BMP5: variants seen among roughly 807,000 people sequenced by gnomAD.
BMP5 encodes bone morphogenetic protein 5.
In BMP5, 23 loss-of-function variants were observed where a neutral mutation model predicts 46.6. That is an observed-to-expected ratio of 0.49 (90% CI 0.35 to 0.70). The LOEUF is 0.70. BMP5 is among the 30% of genes least tolerant of loss of function. BMP5 has a pLI of 0.00. For synonymous variants in BMP5, 204 were observed against 191.9 expected (o/e 1.06, Z -0.52); for missense variants, 545 against 565.6 (o/e 0.96, Z 0.37).
chr6:55,865,327 C>A, intron 1 of BMP5: 2 of 430,284 alleles, frequency 4.6e-6, no homozygotes, highest in Admixed American at 2.7e-5. Context: ...ATTAGTTTCC[C>A]CTCCTTAACA....
At chr6:55,773,963 GA>G (rs1258201444) in intron 4 of BMP5, 85 bp downstream of exon 4, 44 of 1,419,110 alleles carry the variant, frequency 3.1e-5, no homozygotes, top group Non-Finnish European at 8.0e-6. Context: ...GGTATACATA[GA>G]GGGTAAATTT....
intron 1 of BMP5, among the ~76,000 whole-genome samples, chr6:55,830,507 A>G (rs1192021072): frequency 6.6e-6 from 1 of 152,080 alleles, no homozygotes; most frequent in East Asian, 1.9e-4. Flanking sequence ...AAACCCTTCA[A>G]GTTTCTTAAG....
intron 4 of BMP5, chr6:55,772,649 G>T: frequency 1.6e-6 from 1 of 621,828 alleles, no homozygotes; most frequent in Non-Finnish European, 2.0e-6. Flanking sequence ...TAAATATCTT[G>T]TGAATATCTT....
At chr6:55,776,747 C>T (rs146699644) in intron 3 of BMP5, among the ~76,000 whole-genome samples, 47 of 152,030 alleles carry the variant, frequency 3.1e-4, no homozygotes, top group African/African-American at 1.1e-3. Context: ...TTCATTACAA[C>T]ACACACTGAC....
intron 4 of BMP5, among the ~76,000 whole-genome samples, chr6:55,771,360 A>G (rs1383694903): frequency 6.6e-6 from 1 of 151,908 alleles, no homozygotes; most frequent in Non-Finnish European, 1.5e-5. Flanking sequence ...CACTGCCTCA[A>G]CATGAAACAG....
At chr6:55,845,407 A>T (rs1192917611) in intron 1 of BMP5, among the ~76,000 whole-genome samples, 1 of 152,008 alleles carries the variant, frequency 6.6e-6, no homozygotes, top group African/African-American at 2.4e-5. Context: ...TCTTGAAAAA[A>T]AAAATGATCT....
rs776122373 is a variant in BMP5 at position 55,774,174 on chromosome 6, A to G, written c.902T>C (p.Met301Thr). 25 of 1,613,028 alleles carry G rather than the reference A, an allele frequency of 1.5e-5. No individual in the cohort carries two copies. Among genetic ancestry groups the G allele is most frequent in the Admixed American group, 3.3e-5 (2 of 59,868 alleles). Reference sequence around the variant, plus strand: ...CTCACTCGCCTTGAAGAAGGCCACCATGAATGGTTGTTTTGACTGAGGTCC... The same window carrying G: ...CTCACTCGCCTTGAAGAAGGCCACCGTGAATGGTTGTTTTGACTGAGGTCC... The part of the protein sequence containing the change: ...RQGPQSKQPF[M>T]VAFFKASEVL... The change falls in exon 4 of 7, where the codon ATG becomes ACG. Residue 301 changes from methionine (M) to threonine (T), a missense_variant. Physicochemically the swap from Met to Thr is moderately conservative, Grantham distance 81. Coordinates refer to ENST00000370830, the MANE Select transcript of BMP5 (RefSeq NM_021073.4).
chr6:55,847,461 C>A (rs2127548066), intron 1 of BMP5, among the ~76,000 whole-genome samples: 1 of 152,040 alleles, frequency 6.6e-6, no homozygotes, highest in Middle Eastern at 3.4e-3. Context: ...TAGGTTTACA[C>A]CACCAGGAAT....
intron 1 of BMP5, among the ~76,000 whole-genome samples, chr6:55,864,506 G>C (rs1466323198): frequency 6.6e-6 from 1 of 151,998 alleles, no homozygotes; most frequent in Non-Finnish European, 1.5e-5. Context: ...AGTTAAAACA[G>C]CATGAGACAC....
chr6:55,829,544 T>C (rs927485925), intron 1 of BMP5, among the ~76,000 whole-genome samples: 1 of 151,830 alleles, frequency 6.6e-6, no homozygotes, highest in African/African-American at 2.4e-5. Flanking sequence ...TTCAAATAAA[T>C]AGTGATAACT....
intron 4 of BMP5, among the ~76,000 whole-genome samples, chr6:55,764,514 AG>A (rs1260720577): frequency 2.0e-5 from 3 of 150,574 alleles, no homozygotes; most frequent in Non-Finnish European, 4.4e-5. Flanking sequence ...CGGAGCTTGC[AG>A]TGAGCGAGAT....
chr6:55,802,630 A>T (rs1368815766), intron 2 of BMP5, among the ~76,000 whole-genome samples: 1 of 152,036 alleles, frequency 6.6e-6, no homozygotes, highest in East Asian at 1.9e-4. Flanking sequence ...TATAAATACC[A>T]ACTGCAACCA....
chr6:55,852,869 C>T (rs188056592), intron 1 of BMP5, among the ~76,000 whole-genome samples: 5 of 152,150 alleles, frequency 3.3e-5, no homozygotes, highest in East Asian at 1.9e-4. Flanking sequence ...CGGAGGCTCA[C>T]GCCTGTAATT....
chr6:55,792,048 C>T (rs116067250), intron 3 of BMP5, among the ~76,000 whole-genome samples: 2 of 152,158 alleles, frequency 1.3e-5, no homozygotes, highest in African/African-American at 4.8e-5. Flanking sequence ...AATGCTTGAA[C>T]TCTGAGGATC....
intron 3 of BMP5, among the ~76,000 whole-genome samples, chr6:55,774,579 A>G (rs1187657199): frequency 2.0e-5 from 3 of 152,024 alleles, no homozygotes; most frequent in Non-Finnish European, 4.4e-5. Context: ...AACAATTTAA[A>G]AAAATATTAG....
chr6:55,762,333 A>G (rs2127516533), intron 4 of BMP5, among the ~76,000 whole-genome samples: 1 of 152,238 alleles, frequency 6.6e-6, no homozygotes, highest in Admixed American at 6.5e-5. Flanking sequence ...AGTGTAGGCA[A>G]GTTAGAGATC....
chr6:55,836,534 A>G (rs762399372), intron 1 of BMP5, among the ~76,000 whole-genome samples: 1 of 152,012 alleles, frequency 6.6e-6, no homozygotes, highest in East Asian at 1.9e-4. Flanking sequence ...ATTTTTGTCT[A>G]CTGACTTTGT....
At chr6:55,808,911 C>A (rs894858438) in intron 2 of BMP5, among the ~76,000 whole-genome samples, 2 of 152,160 alleles carry the variant, frequency 1.3e-5, no homozygotes, top group African/African-American at 4.8e-5. Context: ...AGTCAACCAT[C>A]TTGACCCACC....
chr6:55,765,440 A>T (rs1202680496), intron 4 of BMP5, among the ~76,000 whole-genome samples: 2 of 152,234 alleles, frequency 1.3e-5, no homozygotes, highest in Non-Finnish European at 2.9e-5. Flanking sequence ...AAAGAGGGAA[A>T]AAGGAAGTTG....
Sources: allele counts gnomAD v4.1 joint callset (sites outside exome capture counted in the v4.1 genomes callset), GRCh38; gene constraint gnomAD v4.1.1; transcripts MANE v1.5; gene names NCBI Gene and HGNC (gene_info 2026-07-23, HGNC 2026-07-21).